Variants in SAMSN1 observed in about 807,000 individuals in gnomAD.
SAMSN1 encodes SAM domain, SH3 domain and nuclear localization signals 1.
Under a neutral mutation model 42.0 loss-of-function variants are expected in SAMSN1, and 31 were observed. The observed-to-expected ratio is 0.74, with a 90% CI of 0.55 to 1.00. The LOEUF (loss-of-function observed/expected upper bound fraction) is 1.00. Among genes scored for constraint, SAMSN1 ranks in the 50% least tolerant of loss-of-function variants. The pLI, the probability that SAMSN1 is intolerant of heterozygous loss-of-function variation, is 0.00. For missense variants in SAMSN1, 464 were observed against 439.4 expected (o/e 1.06, Z -0.50); for synonymous variants, 178 against 151.9 (o/e 1.17, Z -1.26).
upstream of SAMSN1, chr21:14,585,297 G>C (rs980310285): frequency 5.9e-5 from 9 of 152,122 alleles, no homozygotes; most frequent in African/African-American, 2.2e-4. Flanking sequence ...GAAATAATAA[G>C]ATGACATTGC....
At chr21:14,585,924 A>G (rs1981901548), upstream of SAMSN1, among the ~76,000 whole-genome samples, 1 of 152,116 alleles carries the variant, frequency 6.6e-6, no homozygotes, top group African/African-American at 2.4e-5. Flanking sequence ...ATTATTATAA[A>G]AGGTATAGAA....
chr21:14,639,853 T>C (rs1983552179), intron 2 of SAMSN1, among the ~76,000 whole-genome samples: 1 of 152,182 alleles, frequency 6.6e-6, no homozygotes, highest in South Asian at 2.1e-4. Context: ...ATACTGCAAG[T>C]GGATCACCTA....
chr21:14,497,663 A>T (rs371682173), intron 7 of SAMSN1, among the ~76,000 whole-genome samples: 1 of 152,158 alleles, frequency 6.6e-6, no homozygotes, highest in Admixed American at 6.5e-5. Context: ...GCTGGATTTG[A>T]TTATCTAAGT....
chr21:14,538,669 A>G (rs1979798997), intron 1 of SAMSN1, among the ~76,000 whole-genome samples: 1 of 152,194 alleles, frequency 6.6e-6, no homozygotes. Flanking sequence ...ATCCTTGTCT[A>G]GGAGCATAAA....
At position 14,554,950 on chromosome 21, in the gene SAMSN1, C is replaced by G. The variant is rs191001576; in HGVS notation, c.261+27186G>C. 1.0e-3 allele frequency among the ~76,000 whole-genome samples: 155 copies of G among 152,148 alleles called. 2 individuals carry two copies. Among genetic ancestry groups the G allele is most frequent in the Middle Eastern group, 6.8e-3 (2 of 292 alleles). On this transcript the variant is annotated intron_variant, in intron 2 of 8. Coordinates refer to the SAMSN1 transcript ENST00000285670. ...GGACTCAAGAAATTCTCCTGCTTGG[C>G]CTCCCAAAGTGCTGGGATTACAAGC... is the stretch of plus-strand genomic sequence containing the variant.
intron 3 of SAMSN1, among the ~76,000 whole-genome samples, chr21:14,513,712 G>A (rs747131607): frequency 2.4e-4 from 36 of 152,280 alleles, no homozygotes; most frequent in Non-Finnish European, 4.7e-4. Context: ...AGTAATATAT[G>A]CCCTGAATTA....
At chr21:14,652,179 T>C (rs958033459) in intron 1 of SAMSN1, among the ~76,000 whole-genome samples, 1 of 151,842 alleles carries the variant, frequency 6.6e-6, no homozygotes, top group African/African-American at 2.4e-5. Context: ...TTCACAGAAA[T>C]GGAAAAAAAA....
chr21:14,592,587 G>A, intron 7 of SAMSN1: 1 of 341,010 alleles, frequency 2.9e-6, no homozygotes, highest in Non-Finnish European at 6.3e-6. Context: ...TATCCTTGGG[G>A]ACATTTGACT....
At chr21:14,541,323 TAA>T (rs34794481) in intron 1 of SAMSN1, among the ~76,000 whole-genome samples, 78,852 of 145,154 alleles carry the variant, frequency 0.54, 21,125 homozygotes, top group East Asian at 0.78. Context: ...CAAAATCCTG[TAA>T]AAAAAAAAAA....
At chr21:14,525,127 A>C (rs1242823586) in intron 1 of SAMSN1, among the ~76,000 whole-genome samples, 5 of 152,190 alleles carry the variant, frequency 3.3e-5, no homozygotes, top group African/African-American at 9.6e-5. Flanking sequence ...TAAGATTACC[A>C]TTTTGCAAAC....
intron 4 of SAMSN1, among the ~76,000 whole-genome samples, chr21:14,511,833 C>T (rs1987699318): frequency 1.3e-5 from 2 of 152,078 alleles, no homozygotes; most frequent in Non-Finnish European, 2.9e-5. Flanking sequence ...ACTTTGGATC[C>T]CTTTTTGCCA....
intron 7 of SAMSN1, among the ~76,000 whole-genome samples, chr21:14,494,823 T>A (rs770017982): frequency 1.2e-4 from 19 of 152,140 alleles, no homozygotes; most frequent in Non-Finnish European, 2.5e-4. Context: ...ATCTTAGAAG[T>A]CTGGTTTTTT....
chr21:14,626,265 C>T (rs548552606), intron 2 of SAMSN1, among the ~76,000 whole-genome samples: 3 of 152,094 alleles, frequency 2.0e-5, no homozygotes, highest in Non-Finnish European at 4.4e-5. Flanking sequence ...CAACAAAAGC[C>T]AAAATTGACA....
chr21:14,639,962 A>C (rs1426414500), intron 2 of SAMSN1, among the ~76,000 whole-genome samples: 5 of 152,338 alleles, frequency 3.3e-5, no homozygotes, highest in African/African-American at 9.6e-5. Context: ...TGCAATTAAA[A>C]TACAAACTAG....
At chr21:14,648,791 G>T (rs552201228) in intron 1 of SAMSN1, among the ~76,000 whole-genome samples, 1 of 152,122 alleles carries the variant, frequency 6.6e-6, no homozygotes, top group East Asian at 1.9e-4. Flanking sequence ...AGAGGATGTG[G>T]AGAAATAGGA....
intron 5 of SAMSN1, among the ~76,000 whole-genome samples, chr21:14,603,804 T>C (rs1047430432): frequency 2.6e-5 from 4 of 152,220 alleles, no homozygotes; most frequent in African/African-American, 7.2e-5. Context: ...ATGGGAATTC[T>C]ACAGTGAGCT....
intron 7 of SAMSN1, among the ~76,000 whole-genome samples, chr21:14,497,585 C>T (rs552133572): frequency 3.3e-5 from 5 of 152,240 alleles, no homozygotes; most frequent in African/African-American, 1.2e-4. Context: ...GATTTAGACA[C>T]CATCTCAAAA....
intron 6 of SAMSN1, among the ~76,000 whole-genome samples, 166 bp downstream of exon 6, chr21:14,500,363 G>A (rs940177937): frequency 1.3e-5 from 2 of 152,028 alleles, no homozygotes; most frequent in Non-Finnish European, 2.9e-5. Context: ...ACTTGTCCTT[G>A]CATAAAAAAG....
intron 4 of SAMSN1, 49 bp downstream of exon 4, chr21:14,512,395 T>C (rs1319274720): frequency 6.3e-7 from 1 of 1,596,670 alleles, no homozygotes; most frequent in African/African-American, 1.3e-5. Context: ...TTAATTAATT[T>C]AACCCAGACC....
Sources: allele counts gnomAD v4.1 joint callset (sites outside exome capture counted in the v4.1 genomes callset), GRCh38; gene constraint gnomAD v4.1.1; transcripts MANE v1.5; gene names NCBI Gene and HGNC (gene_info 2026-07-23, HGNC 2026-07-21).